The following KCNQ4 variants were observed in gnomAD, a reference collection of about 807,000 sequenced individuals.
KCNQ4 encodes the protein potassium voltage-gated channel subfamily KQT member 4.
Under a neutral mutation model 72.6 loss-of-function variants are expected in KCNQ4, and 31 were observed. That is an observed-to-expected ratio of 0.43 (90% CI 0.32 to 0.58). The LOEUF (loss-of-function observed/expected upper bound fraction) is 0.58. KCNQ4 is among the 20% of genes least tolerant of loss of function. KCNQ4 has a pLI of 0.08. For synonymous variants in KCNQ4, 405 were observed against 403.7 expected (o/e 1.00, Z -0.04); for missense variants, 869 against 962.6 (o/e 0.90, Z 1.29).
At position 40,784,549 on chromosome 1, in the gene KCNQ4, G is replaced by T; in HGVS notation, c.314+142G>T. ...CTCTCTCCCCCCAGGCCTAAGCCCGGTTTCTGATCCCCTCGCTGAGCCCGA... is the reference window on the plus strand; with the variant it reads ...CTCTCTCCCCCCAGGCCTAAGCCCGTTTTCTGATCCCCTCGCTGAGCCCGA... On this transcript the variant is annotated intron_variant, in intron 1 of 13. Transcript: ENST00000347132. The surrounding 1 kb of genome is among the most constrained non-coding windows in gnomAD (Gnocchi z 4.1). The T allele has an allele frequency of 1.2e-6, 1 of 807,732 alleles. No homozygotes were observed. The highest frequency in any genetic ancestry group is 2.1e-6 in the Non-Finnish European group (1 of 483,556). The allele number at this position is 807,732 out of a possible 1,614,324, so 50.0% of individuals were successfully genotyped here. A position where few individuals can be genotyped will look rare whatever the true frequency, so the allele number is the denominator to read the frequency against.
rs925479758 is a variant in KCNQ4, at chr1:40,784,309, C to A, written c.216C>A (p.Arg72=). 6.2e-7 allele frequency: 1 copy of A among 1,604,010 alleles called. No homozygotes were observed. Among genetic ancestry groups the A allele is most frequent in the Non-Finnish European group, 8.5e-7 (1 of 1,177,574 alleles). The change falls in exon 1 of 14, where the codon CGC becomes CGA. Residue 72 remains arginine, a synonymous_variant. Transcript: ENST00000347132. The surrounding 1 kb of genome is among the most constrained non-coding windows in gnomAD (Gnocchi z 4.1). ...GSGSGSACGQ[R]SSAAHKRYRR... ...GCTCGGGCTCCGCCTGCGGCCAGCG[C>A]TCCTCGGCCGCGCACAAGCGCTACC... is the stretch of plus-strand genomic sequence containing the variant.
At chr1:40,793,069 C>G (rs1250603254) in intron 1 of KCNQ4, among the ~76,000 whole-genome samples, 3 of 143,060 alleles carry the variant, frequency 2.1e-5, no homozygotes, top group Non-Finnish European at 4.5e-5. Flanking sequence ...TGCATGATCA[C>G]TATGATCACT....
intron 1 of KCNQ4, among the ~76,000 whole-genome samples, chr1:40,792,223 A>G (rs994153020): frequency 2.0e-5 from 3 of 151,934 alleles, no homozygotes; most frequent in African/African-American, 7.3e-5. Flanking sequence ...GGGCAGGGAG[A>G]GAAAGGAAAA....
intron 1 of KCNQ4, among the ~76,000 whole-genome samples, chr1:40,811,315 G>A (rs11208961): frequency 0.023 from 3,494 of 152,258 alleles, 128 homozygotes; most frequent in African/African-American, 0.08. Flanking sequence ...TGGAGAAGGC[G>A]GTGATTGCAG....
chr1:40,830,583 GCA>G (rs151080834), intron 9 of KCNQ4, among the ~76,000 whole-genome samples: 6 of 151,642 alleles, frequency 4.0e-5, no homozygotes, highest in East Asian at 1.9e-4. Flanking sequence ...GTGCATGCGC[GCA>G]CACACACACA....
At chr1:40,799,623 C>A (rs1025824731) in intron 1 of KCNQ4, among the ~76,000 whole-genome samples, 2 of 152,194 alleles carry the variant, frequency 1.3e-5, no homozygotes, top group South Asian at 4.1e-4. Context: ...GGCAGCACGC[C>A]CACTGGCCCC....
At chr1:40,836,167 C>T (rs536407852) in intron 12 of KCNQ4, among the ~76,000 whole-genome samples, 4 of 152,126 alleles carry the variant, frequency 2.6e-5, no homozygotes, top group African/African-American at 4.8e-5. Context: ...CGCATGAGAC[C>T]GTGGGGACTT....
chr1:40,805,103 T>G (rs1057018892), intron 1 of KCNQ4: 3 of 152,158 alleles, frequency 2.0e-5, no homozygotes, highest in African/African-American at 7.2e-5. Flanking sequence ...GAATAGCCAC[T>G]ACAATCCAGC....
chr1:40,837,569 C>A, intron 12 of KCNQ4, 96 bp from the exon 13 acceptor site: 1 of 1,481,990 alleles, frequency 6.7e-7, no homozygotes, highest in South Asian at 1.3e-5. Flanking sequence ...TGCCTGTCCC[C>A]TCGTGGTGCC....
intron 5 of KCNQ4, 68 bp downstream of exon 5, chr1:40,819,540 C>G: frequency 6.3e-7 from 1 of 1,592,038 alleles, no homozygotes. Context: ...CCGAGGTCTG[C>G]CCATCGTGAC....
chr1:40,820,169 T>C lies in KCNQ4; in HGVS notation c.950T>C (p.Ile317Thr). The change falls in exon 7 of 14, where the codon ATC becomes ACC. Residue 317 changes from isoleucine (I) to threonine (T), a missense_variant. By Grantham distance (89) the Ile-to-Thr change is moderately conservative. Coordinates refer to ENST00000347132, the MANE Select transcript of KCNQ4 (RefSeq NM_004700.4). ...GISFFALPAG[I>T]LGSGFALKVQ... Reference sequence around the variant, plus strand: ...AACCATGCCCTATCCCTCTAGGGCATCCTAGGCTCCGGCTTTGCCCTGAAG... The same window carrying C: ...AACCATGCCCTATCCCTCTAGGGCACCCTAGGCTCCGGCTTTGCCCTGAAG... 2 of 1,607,034 alleles carry C rather than the reference T, an allele frequency of 1.2e-6. No individual in the cohort carries two copies. Among genetic ancestry groups the C allele is most frequent in the Non-Finnish European group, 1.7e-6 (2 of 1,176,768 alleles).
At chr1:40,802,480 C>G (rs1223581584) in intron 1 of KCNQ4, among the ~76,000 whole-genome samples, 2 of 152,140 alleles carry the variant, frequency 1.3e-5, no homozygotes, top group Non-Finnish European at 2.9e-5. Context: ...CTGGCATTGG[C>G]AAAGCCCCGC....
chr1:40,801,001 T>C (rs948711469), intron 1 of KCNQ4, among the ~76,000 whole-genome samples: 35 of 152,338 alleles, frequency 2.3e-4, no homozygotes, highest in East Asian at 5.8e-4. Context: ...AGGATGTGTG[T>C]ACAGCCTCAA....
At position 40,784,172 on chromosome 1, in the gene KCNQ4, A is replaced by G; in HGVS notation, c.79A>G (p.Thr27Ala). 3 of 1,108,248 alleles carry G rather than the reference A, an allele frequency of 2.7e-6. No individual in the cohort carries two copies. Among genetic ancestry groups the G allele is most frequent in the Middle Eastern group, 3.9e-4 (1 of 2,550 alleles). 68.7% of individuals were successfully genotyped at this position (1,108,248 alleles called of 1,614,324 possible). A position where few individuals can be genotyped will look rare whatever the true frequency, so the allele number is the denominator to read the frequency against. ...CCCCCGCGCGGAGCTAGTGGCGCTC[A>G]CGGCCGTGCAGAGCGAACAGGGCGA... ...DAPRAELVAL[T>A]AVQSEQGEAG... The change falls in exon 1 of 14, where the codon ACG (threonine) becomes GCG (alanine). Residue 27 changes from threonine to alanine, a missense_variant. Physicochemically the swap from Thr to Ala is moderately conservative, Grantham distance 58. This residue lies in a region of KCNQ4 where 178 missense variants were observed against 145.3 expected (regional missense o/e 1.22). Coordinates refer to ENST00000347132, the MANE Select transcript of KCNQ4 (RefSeq NM_004700.4). The surrounding 1 kb of genome is among the most constrained non-coding windows in gnomAD (Gnocchi z 4.1).
chr1:40,828,510 G>A (rs1441191818), intron 9 of KCNQ4, among the ~76,000 whole-genome samples: 1 of 152,158 alleles, frequency 6.6e-6, no homozygotes, highest in Non-Finnish European at 1.5e-5. Flanking sequence ...CTGATTGCTT[G>A]ACCCAGAAAA....
chr1:40,794,484 C>T lies in KCNQ4; in HGVS notation c.314+10077C>T, dbSNP rs117557895. 2.0e-4 allele frequency among the ~76,000 whole-genome samples: 30 copies of T among 152,346 alleles called. No homozygotes were observed. In the East Asian group the frequency reaches 5.0e-3, roughly 25 times the overall value. ...AAACACCACATACTAAGTTACACAG[C>T]TTGTCTGTGGTCGAGTCAAGACTCA... On this transcript the variant is annotated intron_variant, in intron 1 of 13. Transcript: ENST00000347132. This position sits in a 1 kb window ranked among gnomAD's most constrained non-coding sequence, Gnocchi z 4.2.
At chr1:40,813,686 G>A (rs1458058675) in intron 1 of KCNQ4, among the ~76,000 whole-genome samples, 2 of 152,192 alleles carry the variant, frequency 1.3e-5, no homozygotes, top group Admixed American at 1.3e-4. Flanking sequence ...CTAAATGGCA[G>A]AGGCGACTGT....
At position 40,785,359 on chromosome 1, in the gene KCNQ4, C is replaced by T. The variant is rs201060317; in HGVS notation, c.314+952C>T. On this transcript the variant is annotated intron_variant, in intron 1 of 13. Coordinates refer to ENST00000347132, the MANE Select transcript of KCNQ4 (RefSeq NM_004700.4). Reference sequence around the variant, plus strand: ...TGAAGGGCTGGGCCTGACGCTGGGACGCTCAGAGGTGCCCAGAGAGAGACC... The same window carrying T: ...TGAAGGGCTGGGCCTGACGCTGGGATGCTCAGAGGTGCCCAGAGAGAGACC... 2.3e-4 allele frequency among the ~76,000 whole-genome samples: 35 copies of T among 152,336 alleles called. No homozygotes were observed. In the East Asian group the frequency reaches 5.2e-3, roughly 23 times the overall value.
intron 1 of KCNQ4, among the ~76,000 whole-genome samples, chr1:40,795,906 CTAAA>C (rs1647395085): frequency 2.0e-5 from 3 of 152,194 alleles, no homozygotes; most frequent in Admixed American, 2.0e-4. Flanking sequence ...AGGTATTGTG[CTAAA>C]TATTTTTCAC....
Sources: allele counts gnomAD v4.1 joint callset (sites outside exome capture counted in the v4.1 genomes callset), GRCh38; gene constraint gnomAD v4.1.1; regional missense constraint gnomAD v4.1.1; non-coding constraint Gnocchi (gnomAD v3.1); transcripts MANE v1.5; gene names NCBI Gene and HGNC (gene_info 2026-07-23, HGNC 2026-07-21).